The following RAB20 variants were observed in gnomAD, a reference collection of about 807,000 sequenced individuals.
RAB20 encodes the protein ras-related protein Rab-20.
In RAB20, 2 loss-of-function variants were observed where a neutral mutation model predicts 3.7. The ratio of observed to expected loss-of-function variants is 0.54; its 90% CI spans 0.22 to 1.69. The LOEUF is 1.69. Ranked by LOEUF, RAB20 falls within the 40% of genes most tolerant of loss-of-function variation. The pLI is 0.19. For missense variants in RAB20, 276 were observed against 311.9 expected, an observed-to-expected ratio of 0.88 and a Z score of 0.87; for synonymous variants, 126 against 130.8, an observed-to-expected ratio of 0.96 and a Z score of 0.25.
intron 1 of RAB20, among the ~76,000 whole-genome samples, chr13:110,526,051 C>T (rs908792032): frequency 2.0e-5 from 3 of 152,260 alleles, no homozygotes; most frequent in South Asian, 2.1e-4. Context: ...TGTGCTCAGA[C>T]GCCATCCCAA....
At chr13:110,537,613 C>G (rs2139579997) in intron 1 of RAB20, among the ~76,000 whole-genome samples, 1 of 151,872 alleles carries the variant, frequency 6.6e-6, no homozygotes, top group East Asian at 2.0e-4. Context: ...ACATAAGGAG[C>G]TGCATCCTCA....
chr13:110,529,918 A>G (rs1482506820), intron 1 of RAB20, among the ~76,000 whole-genome samples: 2 of 152,198 alleles, frequency 1.3e-5, no homozygotes, highest in African/African-American at 2.4e-5. Flanking sequence ...TGTCACCAAC[A>G]CATACAGACG....
intron 1 of RAB20, among the ~76,000 whole-genome samples, chr13:110,530,943 A>G (rs112474137): frequency 2.6e-4 from 39 of 152,268 alleles, no homozygotes; most frequent in African/African-American, 9.2e-4. Context: ...TCTAAACAAG[A>G]GAAATGGAAG....
At chr13:110,558,144 G>A (rs1339171928) in intron 1 of RAB20, among the ~76,000 whole-genome samples, 2 of 152,198 alleles carry the variant, frequency 1.3e-5, no homozygotes, top group African/African-American at 2.4e-5. Context: ...CTGAGCAACC[G>A]GGCAACACAG....
intron 1 of RAB20, among the ~76,000 whole-genome samples, chr13:110,542,330 A>G (rs1193326858): frequency 6.6e-6 from 1 of 152,148 alleles, no homozygotes; most frequent in Non-Finnish European, 1.5e-5. Context: ...CAGACAGAAC[A>G]TTGAAACTCC....
intron 1 of RAB20, among the ~76,000 whole-genome samples, chr13:110,540,042 T>A (rs1884729960): frequency 6.6e-6 from 1 of 152,262 alleles, no homozygotes; most frequent in Admixed American, 6.5e-5. Context: ...ATGATGAATG[T>A]AAAGCAGGAA....
At chr13:110,539,647 C>T (rs935995053) in intron 1 of RAB20, among the ~76,000 whole-genome samples, 4 of 151,112 alleles carry the variant, frequency 2.6e-5, no homozygotes, top group African/African-American at 7.3e-5. Flanking sequence ...GCAACCTCCG[C>T]TTCCCGGGCT....
Position 110,534,982 on chromosome 13 carries a change from TACCACCACGC to T in RAB20, c.173-10795_173-10786del, listed in dbSNP as rs1884613898. On this transcript the variant is annotated intron_variant, in intron 1 of 1. Transcript: ENST00000267328. ...CCAAGCAGGTGGGACTACAGGTGTG[TACCACCACGC>T]CTGGCTAATTTTTTAATTTTTAGTA... is the stretch of plus-strand genomic sequence containing the variant. 2.0e-5 allele frequency among the ~76,000 whole-genome samples: 3 copies of T among 148,844 alleles called. No individual in the cohort carries two copies. The South Asian group carries it at 6.4e-4, about 32-fold the overall frequency.
chr13:110,546,890 A>T (rs1030786082), intron 1 of RAB20, among the ~76,000 whole-genome samples: 4 of 151,930 alleles, frequency 2.6e-5, no homozygotes, highest in African/African-American at 9.7e-5. Flanking sequence ...GGTGTGCACC[A>T]CCATGCCTGG....
chr13:110,546,309 G>A (rs765416961), intron 1 of RAB20, among the ~76,000 whole-genome samples: 1 of 152,188 alleles, frequency 6.6e-6, no homozygotes, highest in Admixed American at 6.5e-5. Flanking sequence ...GAGACTCAGA[G>A]ACAGGATCAT....
chr13:110,542,597 T>G (rs1884783379), intron 1 of RAB20, among the ~76,000 whole-genome samples: 1 of 152,220 alleles, frequency 6.6e-6, no homozygotes, highest in South Asian at 2.1e-4. Context: ...TCTTTCGGTA[T>G]CTGGTTTATT....
chr13:110,529,210 C>T (rs566529347), intron 1 of RAB20, among the ~76,000 whole-genome samples: 2 of 152,358 alleles, frequency 1.3e-5, no homozygotes, highest in East Asian at 3.9e-4. Flanking sequence ...GACAGATTCA[C>T]AGTGTATTTG....
chr13:110,554,010 G>A (rs181850976), intron 1 of RAB20, among the ~76,000 whole-genome samples: 44 of 152,256 alleles, frequency 2.9e-4, no homozygotes, highest in African/African-American at 9.9e-4. Context: ...AGCTACTCAG[G>A]AGGCTGAGGT....
chr13:110,557,264 A>G (rs2139591901), intron 1 of RAB20, among the ~76,000 whole-genome samples: 1 of 152,280 alleles, frequency 6.6e-6, no homozygotes, highest in East Asian at 1.9e-4. Flanking sequence ...GAAGTTGGAT[A>G]TGTAGCTGAG....
intron 1 of RAB20, among the ~76,000 whole-genome samples, chr13:110,549,344 T>G (rs1884908639): frequency 6.6e-6 from 1 of 152,272 alleles, no homozygotes; most frequent in Admixed American, 6.5e-5. Flanking sequence ...AGATTCATTT[T>G]GCCTGTGCCC....
Position 110,536,441 on chromosome 13 carries a change from ACAGT to A in RAB20, c.173-12248_173-12245del, listed in dbSNP as rs761295068. 1.5e-4 allele frequency among the ~76,000 whole-genome samples: 23 copies of A among 152,322 alleles called. 1 individual carries two copies. The South Asian group carries it at 2.5e-3, about 16-fold the overall frequency. ...ATCTCCTCTCACCAAGGTCCATGTG[ACAGT>A]CAGGCAGCCAAGAGAAGCTTCTGCT... On this transcript the variant is annotated intron_variant, in intron 1 of 1. Coordinates refer to ENST00000267328, the MANE Select transcript of RAB20 (RefSeq NM_017817.3).
Position 110,524,106 on chromosome 13 carries a change from C to G in RAB20, c.264G>C (p.Leu88=). The part of the protein sequence containing the change: ...LTYDVNHRQS[L]VELEDRFLGL... ...CCAGGAACCGGTCCTCCAGCTCCAC[C>G]AGGCTCTGCCGGTGATTCACATCAT... Residue 88 remains leucine, a synonymous_variant, in exon 2 of 2, where the codon CTG becomes CTC. Coordinates refer to ENST00000267328, the MANE Select transcript of RAB20 (RefSeq NM_017817.3). The G allele has an allele frequency of 6.2e-7, 1 of 1,613,120 alleles. No individual in the cohort carries two copies. The highest frequency in any genetic ancestry group is 8.5e-7 in the Non-Finnish European group (1 of 1,180,012).
At chr13:110,557,036 C>T (rs150135917) in intron 1 of RAB20, among the ~76,000 whole-genome samples, 2 of 152,284 alleles carry the variant, frequency 1.3e-5, no homozygotes, top group East Asian at 3.9e-4. Context: ...TGCACATGAA[C>T]AGCCCTGCTG....
At chr13:110,558,731 G>A (rs554168005) in intron 1 of RAB20, among the ~76,000 whole-genome samples, 504 of 103,708 alleles carry the variant, frequency 4.9e-3, no homozygotes, top group South Asian at 0.012. Flanking sequence ...ACAGAGTCTC[G>A]CTCTGTCACC....
Sources: allele counts gnomAD v4.1 joint callset (sites outside exome capture counted in the v4.1 genomes callset), GRCh38; gene constraint gnomAD v4.1.1; transcripts MANE v1.5; gene names NCBI Gene and HGNC (gene_info 2026-07-23, HGNC 2026-07-21).